The following INO80 variants were observed in gnomAD, a reference collection of about 807,000 sequenced individuals.
INO80 encodes the protein INO80 complex ATPase subunit, also known as chromatin-remodeling ATPase INO80.
In INO80, 20 loss-of-function variants were observed where a neutral mutation model predicts 203.4. The ratio of observed to expected loss-of-function variants is 0.10; its 90% CI spans 0.07 to 0.14. The LOEUF (loss-of-function observed/expected upper bound fraction) is 0.14. INO80 is among the 10% of genes least tolerant of loss of function. INO80 has a pLI of 1.00. For missense variants in INO80, 1,419 were observed against 1,914.4 expected (o/e 0.74, Z 4.83); for synonymous variants, 726 against 685.2 (o/e 1.06, Z -0.93).
At chr15:41,035,526 TAA>T (rs751407826) in intron 24 of INO80, among the ~76,000 whole-genome samples, 6 of 132,178 alleles carry the variant, frequency 4.5e-5, no homozygotes, top group Admixed American at 7.6e-5. Context: ...ACTACATCTC[TAA>T]AAAAAAAAAA....
rs756368666 is a variant in INO80 at position 41,095,859 on chromosome 15, T to G, written c.213A>C (p.Gln71His). 6.2e-7 allele frequency: 1 copy of G among 1,613,092 alleles called. No homozygotes were observed. Among genetic ancestry groups the G allele is most frequent in the South Asian group, 1.1e-5 (1 of 91,070 alleles). Residue 71 changes from glutamine to histidine, a missense_variant, in exon 3 of 36, where the codon CAA becomes CAC. By Grantham distance (24) the Gln-to-His change is conservative. Coordinates refer to ENST00000648947, the MANE Select transcript of INO80 (RefSeq NM_017553.3). Reference sequence around the variant, plus strand: ...ATGAATTTGGAGGTTCTTCCTTAACTTGTATTAAGGGATCCCCAGACTGGG... The same window carrying G: ...ATGAATTTGGAGGTTCTTCCTTAACGTGTATTAAGGGATCCCCAGACTGGG... ...LLPQSGDPLI[Q>H]VKEEPPNSLL...
intron 1 of INO80, among the ~76,000 whole-genome samples, chr15:41,099,265 A>AAAAAAAC (rs2045771186): frequency 7.9e-6 from 1 of 126,784 alleles, no homozygotes. Context: ...AAAAAAAAAA[A>AAAAAAAC]AACAAACACA....
chr15:40,987,095 C>G lies in INO80; in HGVS notation c.3828G>C (p.Lys1276Asn). ...ATAGAGGTTTAGAGTACATACGTTT[C>G]TTCTCCAACTCTTCGTCGTCTAGAA... ...SLLLDDEELE[K>N]KLRLRQEEKR... Residue 1276 changes from lysine (K) to asparagine (N), a missense_variant, in exon 31 of 36, where the codon AAG (lysine) becomes AAC (asparagine). Lys to Asn is a moderately conservative substitution (Grantham distance 94). Transcript: ENST00000648947. The G allele has an allele frequency of 1.9e-6, 3 of 1,593,872 alleles. No homozygotes were observed. Among genetic ancestry groups the G allele is most frequent in the Middle Eastern group, 1.7e-4 (1 of 6,030 alleles).
At chr15:41,068,856 T>A (rs1408692883) in intron 14 of INO80, among the ~76,000 whole-genome samples, 1 of 151,474 alleles carries the variant, frequency 6.6e-6, no homozygotes, top group African/African-American at 2.4e-5. Flanking sequence ...TGAGACTCCA[T>A]CTCAAAACAA....
chr15:41,016,300 A>G (rs2044209955), intron 26 of INO80, 85 bp from the exon 27 acceptor site: 2 of 1,324,634 alleles, frequency 1.5e-6, no homozygotes, highest in Non-Finnish European at 2.1e-6. Flanking sequence ...TGCAACCACA[A>G]TCACTAAAAC....
intron 29 of INO80, among the ~76,000 whole-genome samples, chr15:40,994,873 C>G (rs1206330050): frequency 6.6e-6 from 1 of 152,078 alleles, no homozygotes; most frequent in Non-Finnish European, 1.5e-5. Context: ...AATGAACAAA[C>G]TGTTCCAGGT....
intron 29 of INO80, among the ~76,000 whole-genome samples, chr15:40,988,651 A>AGGTAGATCACCTGAGGTC (rs2043774321): frequency 6.6e-6 from 1 of 152,164 alleles, no homozygotes; most frequent in African/African-American, 2.4e-5. Context: ...AAGCTGAGGT[A>AGGTAGATCACCTGAGGTC]GGTAGATCAC....
intron 19 of INO80, among the ~76,000 whole-genome samples, chr15:41,051,127 T>C (rs373452755): frequency 5.6e-5 from 2 of 35,746 alleles, no homozygotes; most frequent in African/African-American, 3.4e-4. Flanking sequence ...AGACTCCATC[T>C]CAAAAAAAAA....
chr15:40,988,664 G>C (rs184475662), intron 29 of INO80, among the ~76,000 whole-genome samples: 50 of 152,312 alleles, frequency 3.3e-4, no homozygotes, highest in African/African-American at 1.1e-3. Flanking sequence ...TAGATCACCT[G>C]AGGTCAGGAG....
chr15:41,059,945 T>A lies in INO80; in HGVS notation c.1783-19A>T. The A allele has an allele frequency of 6.7e-7, 1 of 1,499,524 alleles. No individual in the cohort carries two copies. Among genetic ancestry groups the A allele is most frequent in the Non-Finnish European group, 9.2e-7 (1 of 1,084,514 alleles). The allele number at this position is 1,499,524 out of a possible 1,614,324, so 92.9% of individuals were successfully genotyped here. On this transcript the variant is annotated intron_variant, in intron 14 of 35. Coordinates refer to ENST00000648947, the MANE Select transcript of INO80 (RefSeq NM_017553.3). ...GTAGCACCTAGAAAAAGGGCCAATATATACATTACTTTCTATAGATGATCT... is the reference window on the plus strand; with the variant it reads ...GTAGCACCTAGAAAAAGGGCCAATAAATACATTACTTTCTATAGATGATCT...
At chr15:41,029,533 G>A (rs1477866658) in intron 24 of INO80, among the ~76,000 whole-genome samples, 1 of 152,166 alleles carries the variant, frequency 6.6e-6, no homozygotes, top group Non-Finnish European at 1.5e-5. Flanking sequence ...ATACTGCTAG[G>A]CCCATGTAGC....
intron 19 of INO80, 114 bp from the exon 20 acceptor site, chr15:41,050,216 T>A (rs745535778): frequency 1.2e-5 from 8 of 677,968 alleles, no homozygotes; most frequent in Non-Finnish European, 2.0e-5. Flanking sequence ...TAAACATATG[T>A]GAACTCAGTA....
chr15:40,985,858 G>A (rs763222544), intron 31 of INO80, among the ~76,000 whole-genome samples: 7 of 152,232 alleles, frequency 4.6e-5, no homozygotes, highest in South Asian at 2.1e-4. Flanking sequence ...TGGTGAGCCA[G>A]GATTGTGACA....
intron 11 of INO80, 52 bp downstream of exon 11, chr15:41,073,376 G>T: frequency 7.1e-7 from 1 of 1,414,668 alleles, no homozygotes; most frequent in Non-Finnish European, 1.0e-6. Flanking sequence ...GTAAAGGCTT[G>T]TGGGGTATTT....
At chr15:40,985,208 T>C in intron 32 of INO80, 130 bp downstream of exon 32, 1 of 674,534 alleles carries the variant, frequency 1.5e-6, no homozygotes, top group Non-Finnish European at 2.7e-6. Context: ...CCCAGAAATG[T>C]AGCTGATCAT....
chr15:41,008,367 C>G (rs1347218301), intron 27 of INO80, among the ~76,000 whole-genome samples: 2 of 151,936 alleles, frequency 1.3e-5, no homozygotes, highest in Non-Finnish European at 2.9e-5. Flanking sequence ...CTTATATGTG[C>G]AAGCTTAAAA....
At chr15:41,013,168 C>T (rs909075915) in intron 27 of INO80, 1 of 152,206 alleles carries the variant, frequency 6.6e-6, no homozygotes, top group Non-Finnish European at 1.5e-5. Context: ...TCCACAGCAA[C>T]ACAGAGCTTT....
At chr15:41,096,088 T>C in intron 2 of INO80, 80 bp downstream of exon 2, 1 of 1,456,724 alleles carries the variant, frequency 6.9e-7, no homozygotes, top group South Asian at 1.4e-5. Context: ...AATCATAAGA[T>C]ACTTTAATCC....
intron 9 of INO80, among the ~76,000 whole-genome samples, chr15:41,078,049 G>A (rs1016251937): frequency 7.9e-5 from 12 of 151,788 alleles, no homozygotes; most frequent in African/African-American, 2.7e-4. Flanking sequence ...ACAGGCGGCC[G>A]CCACCATGCC....
Sources: gnomAD v4.1 joint callset for allele counts (sites outside exome capture counted in the v4.1 genomes callset) on GRCh38, gnomAD v4.1.1 for gene constraint, MANE v1.5 for transcripts, NCBI Gene and HGNC (gene_info 2026-07-23, HGNC 2026-07-21) for gene names.